HDLBP: variants seen among roughly 807,000 people sequenced by gnomAD.
HDLBP encodes vigilin.
HDLBP carries 30 observed loss-of-function variants against 137.3 expected under a neutral mutation model. That is an observed-to-expected ratio of 0.22 (90% CI 0.16 to 0.30). The LOEUF is 0.30. HDLBP is among the 10% of genes least tolerant of loss of function. The probability of loss-of-function intolerance (pLI) is 1.00; values close to 1 mark genes in which losing one functional copy is unlikely to be tolerated. For synonymous variants in HDLBP, 606 were observed against 596.0 expected, an observed-to-expected ratio of 1.02 and a Z score of -0.24; for missense variants, 1,119 against 1,667.3, an observed-to-expected ratio of 0.67 and a Z score of 5.73.
intron 1 of HDLBP, among the ~76,000 whole-genome samples, chr2:241,299,756 A>C (rs1270608721): frequency 6.6e-6 from 1 of 151,878 alleles, no homozygotes; most frequent in Non-Finnish European, 1.5e-5. Context: ...TCTACTAAAA[A>C]CACAAAAAAT....
chr2:241,242,596 G>A lies in HDLBP; in HGVS notation c.2033C>T (p.Ser678Phe). Residue 678 changes from serine to phenylalanine, a missense_variant, in exon 17 of 28, where the codon TCC (serine) becomes TTC (phenylalanine). By Grantham distance (155) the Ser-to-Phe change is radical. Around this residue, in one of 4 missense-constraint regions of HDLBP, gnomAD observed 618 missense variants for 816.7 expected, o/e 0.76. Coordinates refer to ENST00000310931, the MANE Select transcript of HDLBP (RefSeq NM_005336.6). ...GACCCCGCCGCACTCCTCCATGATG[G>A]AGCGGATCAGACGGCCCTTGGTGCC... ...LIGTKGRLIR[S>F]IMEECGGVHI... 1 of 1,614,222 alleles carries A rather than the reference G, an allele frequency of 6.2e-7. No individual in the cohort carries two copies. Among genetic ancestry groups the A allele is most frequent in the East Asian group, 2.2e-5 (1 of 44,888 alleles).
At chr2:241,302,148 C>T (rs1319853715) in intron 1 of HDLBP, among the ~76,000 whole-genome samples, 2 of 151,856 alleles carry the variant, frequency 1.3e-5, no homozygotes, top group Non-Finnish European at 2.9e-5. Flanking sequence ...TTCCCAGCTA[C>T]TCAGGAGGCG....
intron 1 of HDLBP, among the ~76,000 whole-genome samples, chr2:241,311,486 C>T (rs150864557): frequency 6.6e-6 from 1 of 152,300 alleles, no homozygotes; most frequent in Non-Finnish European, 1.5e-5. Context: ...AGGAGAGTTA[C>T]AGGAAGATTT....
chr2:241,280,753 T>C (rs928402782), intron 1 of HDLBP, among the ~76,000 whole-genome samples: 13 of 152,358 alleles, frequency 8.5e-5, no homozygotes, highest in African/African-American at 3.1e-4. Flanking sequence ...AGCTCTCAAC[T>C]TTAATAATTC....
At chr2:241,274,069 G>A (rs887000191) in intron 1 of HDLBP, among the ~76,000 whole-genome samples, 1 of 152,198 alleles carries the variant, frequency 6.6e-6, no homozygotes, top group African/African-American at 2.4e-5. Flanking sequence ...AAAGACACAG[G>A]TTCTTGGCCT....
At chr2:241,249,048 G>A (rs150060310) in intron 12 of HDLBP, among the ~76,000 whole-genome samples, 180 of 152,234 alleles carry the variant, frequency 1.2e-3, no homozygotes, top group African/African-American at 4.1e-3. Flanking sequence ...TGGGCTGGAG[G>A]CCAGGCTAAG....
chr2:241,270,453 C>T (rs992041124), intron 1 of HDLBP, among the ~76,000 whole-genome samples: 1 of 152,214 alleles, frequency 6.6e-6, no homozygotes, highest in Non-Finnish European at 1.5e-5. Context: ...TATCATCAAA[C>T]AACATTTTGT....
intron 11 of HDLBP, chr2:241,250,264 T>G (rs2072023169): frequency 6.9e-6 from 2 of 290,008 alleles, no homozygotes; most frequent in South Asian, 1.8e-4. Flanking sequence ...GGCCACTCAG[T>G]CTGGGATTTA....
rs983567300 is a variant in HDLBP at position 241,273,646 on chromosome 2, G to A, written c.-102-5105C>T. 1.1e-5 allele frequency: 11 copies of A among 985,330 alleles called. No individual in the cohort carries two copies. The African/African-American group carries it at 1.6e-4, about 14-fold the overall frequency. 61.0% of individuals were successfully genotyped at this position (985,330 alleles called of 1,614,324 possible). ...GTCTGAACCTCTGGCAAAGTCGCAG[G>A]TCAACAGAATCCTGCATAGGGCACA... On this transcript the variant is annotated intron_variant, in intron 1 of 27. Coordinates refer to ENST00000310931, the MANE Select transcript of HDLBP (RefSeq NM_005336.6).
rs371482774 is a variant in HDLBP at position 241,229,851 on chromosome 2, G to A, written c.3702C>T (p.Thr1234=). 2.5e-5 allele frequency: 40 copies of A among 1,579,530 alleles called. No individual in the cohort carries two copies. The highest frequency in any genetic ancestry group is 2.7e-5 in the Non-Finnish European group (31 of 1,162,648). The change falls in exon 27 of 28, where the codon ACC becomes ACT. Residue 1234 remains threonine (T), a synonymous_variant. Coordinates refer to ENST00000310931, the MANE Select transcript of HDLBP (RefSeq NM_005336.6). ...RGFVVRDAPW[T]ASSSEKAPDM... ...ATCTGACCTTCTCACTGCTGCTGGC[G>A]GTCCAGGGTGCGTCCCGCACCACAA...
chr2:241,255,966 C>A (rs1287798207), intron 7 of HDLBP, among the ~76,000 whole-genome samples: 3 of 152,228 alleles, frequency 2.0e-5, no homozygotes, highest in Non-Finnish European at 4.4e-5. Flanking sequence ...TCAGCACAGT[C>A]AGAGGCCCAG....
At position 241,248,355 on chromosome 2, in the gene HDLBP, A is replaced by G. The variant is rs756112600; in HGVS notation, c.1513-7T>C. 3.7e-6 allele frequency: 6 copies of G among 1,603,874 alleles called. No homozygotes were observed. The highest frequency in any genetic ancestry group is 5.1e-6 in the Non-Finnish European group (6 of 1,170,656). ...CCTTGGTACGCTCATTTTCCTAAAA[A>G]TACAATTAAAGTAGATGTCATTTAT... On this transcript the variant is annotated splice_polypyrimidine_tract_variant and splice_region_variant and intron_variant, in intron 12 of 27. Coordinates refer to ENST00000310931, the MANE Select transcript of HDLBP (RefSeq NM_005336.6).
chr2:241,239,350 C>T lies in HDLBP; in HGVS notation c.2610+252G>A, dbSNP rs1322534303. On this transcript the variant is annotated intron_variant, in intron 19 of 27. Transcript: ENST00000310931. This position sits in a 1 kb window ranked among gnomAD's most constrained non-coding sequence, Gnocchi z 4.6. ...TTGCTTTCTTTCCTCTCTCTCTCTC[C>T]CCTCTCCTCTTCTCCTTCTCTCTCT... 6.6e-6 allele frequency among the ~76,000 whole-genome samples: 1 copy of T among 152,110 alleles called. No homozygotes were observed. The highest frequency in any genetic ancestry group is 1.5e-5 in the Non-Finnish European group (1 of 67,998).
chr2:241,242,803 T>TA lies in HDLBP; in HGVS notation c.1951-126dup, dbSNP rs2071375056. On this transcript the variant is annotated intron_variant, in intron 16 of 27. Transcript: ENST00000310931. Reference sequence around the variant, plus strand: ...GGCCTAGAGCCCTGGAGATGCCACTTACAAGCACTGACCAAACTTCTCCAA... The same window carrying TA: ...GGCCTAGAGCCCTGGAGATGCCACTTAACAAGCACTGACCAAACTTCTCCAA... 1.1e-5 allele frequency: 9 copies of TA among 842,042 alleles called. No individual in the cohort carries two copies. In the Admixed American group the frequency reaches 1.5e-4, roughly 14 times the overall value. 52.2% of individuals were successfully genotyped at this position (842,042 alleles called of 1,614,324 possible). A position where few individuals can be genotyped will look rare whatever the true frequency, so the allele number is the denominator to read the frequency against.
chr2:241,297,077 T>C (rs568306952), intron 1 of HDLBP, among the ~76,000 whole-genome samples: 4 of 152,088 alleles, frequency 2.6e-5, no homozygotes, highest in South Asian at 4.2e-4. Flanking sequence ...ATGAAAATGA[T>C]CAAGCTGCAA....
In HDLBP at chr2:241,239,659, G is replaced by C; in HGVS notation, c.2553C>G (p.Gly851=). 6.2e-7 allele frequency: 1 copy of C among 1,614,174 alleles called. No homozygotes were observed. Among genetic ancestry groups the C allele is most frequent in the Non-Finnish European group, 8.5e-7 (1 of 1,180,026 alleles). ...GTQSDKVTLK[G]AKDCVEAAKK... is the part of the protein sequence containing the mutation. ...TGGCTGCCTCCACACAGTCCTTGGCGCCCTTGAGGGTGACTTTGTCGCTCT... is the reference window on the plus strand; with the variant it reads ...TGGCTGCCTCCACACAGTCCTTGGCCCCCTTGAGGGTGACTTTGTCGCTCT... The change falls in exon 19 of 28, where the codon GGC becomes GGG. Residue 851 remains glycine (G), a synonymous_variant. Coordinates refer to ENST00000310931, the MANE Select transcript of HDLBP (RefSeq NM_005336.6). The surrounding 1 kb of genome is among the most constrained non-coding windows in gnomAD (Gnocchi z 4.6).
At chr2:241,280,614 T>C (rs1279513801) in intron 1 of HDLBP, among the ~76,000 whole-genome samples, 3 of 152,202 alleles carry the variant, frequency 2.0e-5, no homozygotes, top group African/African-American at 7.2e-5. Context: ...GTAACTTGTG[T>C]TTTATCCGAG....
At chr2:241,282,571 G>A (rs2074647260) in intron 1 of HDLBP, among the ~76,000 whole-genome samples, 1 of 152,212 alleles carries the variant, frequency 6.6e-6, no homozygotes, top group Non-Finnish European at 1.5e-5. Context: ...ATTATAGGCT[G>A]AAGGTTTTGG....
At chr2:241,243,244 T>A in intron 16 of HDLBP, among the ~76,000 whole-genome samples, 1 of 151,952 alleles carries the variant, frequency 6.6e-6, no homozygotes, top group South Asian at 2.1e-4. Context: ...CATCCGGAGA[T>A]CAGAGCCCAA....
Sources: gnomAD v4.1 joint callset for allele counts (sites outside exome capture counted in the v4.1 genomes callset) on GRCh38, gnomAD v4.1.1 for gene constraint, gnomAD v4.1.1 regional missense constraint, Gnocchi (gnomAD v3.1) non-coding constraint, MANE v1.5 for transcripts, NCBI Gene and HGNC (gene_info 2026-07-23, HGNC 2026-07-21) for gene names.